TCF12: variants seen among roughly 807,000 people sequenced by gnomAD.
TCF12 encodes the protein transcription factor 12.
A neutral mutation model predicts 86.0 loss-of-function variants in TCF12; 45 were observed. That is an observed-to-expected ratio of 0.52 (90% confidence interval 0.41 to 0.67). The LOEUF is 0.67. Among genes scored for constraint, TCF12 ranks in the 30% least tolerant of loss-of-function variants. TCF12 has a pLI of 0.00. For missense variants in TCF12, 881 were observed against 859.9 expected (o/e 1.02, Z -0.31); for synonymous variants, 330 against 299.6 (o/e 1.10, Z -1.05).
chr15:57,256,355 A>C (rs765168265), intron 16 of TCF12, among the ~76,000 whole-genome samples: 30 of 152,090 alleles, frequency 2.0e-4, no homozygotes, highest in Non-Finnish European at 3.7e-4. Context: ...CATGCTCAGC[A>C]CCCACCTATA....
chr15:57,143,751 A>G (rs527732866), intron 5 of TCF12, among the ~76,000 whole-genome samples: 2 of 152,212 alleles, frequency 1.3e-5, no homozygotes, highest in Non-Finnish European at 2.9e-5. Context: ...TGGAGTTTGT[A>G]TACCTAACTT....
chr15:57,129,094 A>T (rs1596689437), intron 5 of TCF12, among the ~76,000 whole-genome samples: 1 of 152,302 alleles, frequency 6.6e-6, no homozygotes, highest in East Asian at 1.9e-4. Flanking sequence ...TAACCATTTG[A>T]GGAACTGCCA....
intron 8 of TCF12, among the ~76,000 whole-genome samples, chr15:57,226,830 G>A (rs2058904977): frequency 6.6e-6 from 1 of 152,060 alleles, no homozygotes. Context: ...GCCACAAGCA[G>A]TATTTAAATA....
At chr15:57,080,675 T>G (rs949309265) in intron 4 of TCF12, among the ~76,000 whole-genome samples, 3 of 152,228 alleles carry the variant, frequency 2.0e-5, no homozygotes, top group African/African-American at 7.2e-5. Flanking sequence ...TCTCTGTGAA[T>G]AATTTCCTTT....
chr15:57,035,365 G>A (rs542897797), intron 3 of TCF12, among the ~76,000 whole-genome samples: 3 of 152,314 alleles, frequency 2.0e-5, no homozygotes, highest in Admixed American at 2.0e-4. Flanking sequence ...CTGGGCTCAA[G>A]CAATTCTTTT....
At chr15:57,258,539 A>T (rs2152041631) in intron 16 of TCF12, among the ~76,000 whole-genome samples, 1 of 152,304 alleles carries the variant, frequency 6.6e-6, no homozygotes, top group East Asian at 1.9e-4. Flanking sequence ...AGATCTAAAC[A>T]GTTTCTTATT....
At chr15:57,213,367 A>G (rs1435094123) in intron 8 of TCF12, among the ~76,000 whole-genome samples, 2 of 152,206 alleles carry the variant, frequency 1.3e-5, no homozygotes, top group African/African-American at 4.8e-5. Context: ...TTGCTTTTTT[A>G]CTTTATTGTC....
intron 5 of TCF12, among the ~76,000 whole-genome samples, chr15:57,122,098 C>CA (rs1159877371): frequency 0.19 from 18,724 of 98,928 alleles, 2,109 homozygotes; most frequent in African/African-American, 0.38. Flanking sequence ...TTTCCTTGTA[C>CA]AAAAAAAAAA....
At chr15:57,092,055 G>C (rs936429982) in intron 5 of TCF12, 164 bp downstream of exon 5, 2 of 499,994 alleles carry the variant, frequency 4.0e-6, no homozygotes, top group East Asian at 6.0e-5. Flanking sequence ...AGGATCAAAT[G>C]TCCAGAAAAT....
At chr15:57,075,828 C>T (rs200963524) in intron 4 of TCF12, among the ~76,000 whole-genome samples, 6,037 of 70,028 alleles carry the variant, frequency 0.086, 394 homozygotes, top group Middle Eastern at 0.11. Flanking sequence ...CTCTCTCTCT[C>T]TCTCTCTTTT....
At chr15:57,129,214 C>T (rs1171963397) in intron 5 of TCF12, among the ~76,000 whole-genome samples, 2 of 152,184 alleles carry the variant, frequency 1.3e-5, no homozygotes, top group African/African-American at 4.8e-5. Context: ...TTTATTTTAG[C>T]CATCTTAATG....
intron 3 of TCF12, among the ~76,000 whole-genome samples, chr15:57,017,063 T>G (rs1382741185): frequency 6.6e-6 from 1 of 152,146 alleles, no homozygotes; most frequent in African/African-American, 2.4e-5. Flanking sequence ...AAGTCATTTG[T>G]CTCTGATCTG....
At chr15:57,219,525 T>A in intron 8 of TCF12, 2 of 1,612,828 alleles carry the variant, frequency 1.2e-6, no homozygotes, top group Non-Finnish European at 1.7e-6. Context: ...AATCAACATG[T>A]ATTGTGCTTA....
At chr15:56,934,818 G>A (rs148658161) in intron 3 of TCF12, among the ~76,000 whole-genome samples, 55 of 152,232 alleles carry the variant, frequency 3.6e-4, no homozygotes, top group African/African-American at 1.2e-3. Flanking sequence ...GGAGGTCAGT[G>A]TACTTGTGGC....
chr15:57,007,779 TTTC>T (rs1775012418), intron 3 of TCF12, among the ~76,000 whole-genome samples: 1 of 49,046 alleles, frequency 2.0e-5, no homozygotes, highest in African/African-American at 6.1e-5. Context: ...TCTTTCTTTC[TTTC>T]TTTCTTTCTC....
intron 3 of TCF12, among the ~76,000 whole-genome samples, chr15:56,935,638 T>G (rs1224379028): frequency 3.3e-5 from 5 of 152,148 alleles, no homozygotes; most frequent in African/African-American, 7.2e-5. Context: ...TCCCACCCTT[T>G]TCCCTGAGTC....
intron 3 of TCF12, among the ~76,000 whole-genome samples, chr15:56,993,949 T>C (rs1319859856): frequency 2.0e-5 from 3 of 152,162 alleles, no homozygotes; most frequent in Non-Finnish European, 4.4e-5. Flanking sequence ...ACGTTGGAAT[T>C]ATCTGACAGA....
At position 57,229,033 on chromosome 15, in the gene TCF12, T is replaced by C. The variant is rs1015737850; in HGVS notation, c.580-2119T>C. Among the ~76,000 whole-genome samples the C allele has an allele frequency of 1.1e-4, 16 of 152,114 alleles. No individual in the cohort carries two copies. In the East Asian group the frequency reaches 1.5e-3, roughly 15 times the overall value. On this transcript the variant is annotated intron_variant, in intron 8 of 20. Transcript: ENST00000333725. ...TGATAAAAAGCATGTGTTCGGGTGC[T>C]GTCTTCTAAATTTGATTCACATTGT...
chr15:57,166,746 A>G (rs1356590040), intron 6 of TCF12, among the ~76,000 whole-genome samples: 1 of 152,224 alleles, frequency 6.6e-6, no homozygotes, highest in Non-Finnish European at 1.5e-5. Context: ...ATTTTTTTGC[A>G]TATTTTCTCA....
Sources: allele counts gnomAD v4.1 joint callset (sites outside exome capture counted in the v4.1 genomes callset), GRCh38; gene constraint gnomAD v4.1.1; transcripts MANE v1.5; gene names NCBI Gene and HGNC (gene_info 2026-07-23, HGNC 2026-07-21).